Variants in PPP2R5C observed in about 807,000 individuals in gnomAD.
The protein encoded by PPP2R5C is protein phosphatase 2 regulatory subunit B'gamma.
In PPP2R5C, 7 loss-of-function variants were observed where a neutral mutation model predicts 68.9. That is an observed-to-expected ratio of 0.10 (90% CI 0.06 to 0.19). The LOEUF is 0.19. Ranked by LOEUF, PPP2R5C falls within the 10% of genes least tolerant of loss-of-function variation. The pLI is 1.00. For synonymous variants in PPP2R5C, 210 were observed against 222.2 expected (o/e 0.95, Z 0.49); for missense variants, 348 against 641.3 (o/e 0.54, Z 4.94).
At chr14:101,925,522 C>A in exon 14 of PPP2R5C, 1 of 430,618 alleles carries the variant, frequency 2.3e-6, no homozygotes, top group Non-Finnish European at 4.0e-6. Flanking sequence ...CAGCGTAGTC[C>A]AAGTCAGACT....
intron 7 of PPP2R5C, 59 bp downstream of exon 9, chr14:101,893,167 G>C: frequency 1.7e-6 from 2 of 1,205,406 alleles, no homozygotes; most frequent in African/African-American, 1.5e-5. Context: ...GATTGAACAC[G>C]AGATAGTGAA....
intron 2 of PPP2R5C, among the ~76,000 whole-genome samples, chr14:101,864,808 GA>G (rs2042959173): frequency 1.3e-5 from 2 of 152,154 alleles, no homozygotes; most frequent in Admixed American, 1.3e-4. Flanking sequence ...GAGCTTGATG[GA>G]ACCCGAGGAC....
At chr14:101,805,147 G>C (rs2039025267), upstream of PPP2R5C, among the ~76,000 whole-genome samples, 1 of 152,208 alleles carries the variant, frequency 6.6e-6, no homozygotes. Flanking sequence ...AGGCTGGAGT[G>C]CAGTGATGTG....
At chr14:101,783,040 T>C (rs1314248896) in intron 2 of PPP2R5C, among the ~76,000 whole-genome samples, 10 of 4,744 alleles carry the variant, frequency 2.1e-3, no homozygotes, top group African/African-American at 0.015. Flanking sequence ...CCTCCTCTCT[T>C]TGTCCCTCTC....
Position 101,822,696 on chromosome 14 carries a change from G to A in PPP2R5C, c.94+12660G>A, listed in dbSNP as rs185762250. 9.9e-5 allele frequency among the ~76,000 whole-genome samples: 15 copies of A among 152,098 alleles called. No individual in the cohort carries two copies. In the East Asian group the frequency reaches 2.9e-3, roughly 29 times the overall value. On this transcript the variant is annotated intron_variant, in intron 1 of 13. Coordinates refer to ENST00000334743, the Ensembl canonical transcript of PPP2R5C. ...CTTTTGAAGACATATAAACTTCTGG[G>A]GACTGACTTTTCTCATTCAAATAGT...
chr14:101,834,021 T>C lies in PPP2R5C; in HGVS notation c.95-22665T>C, dbSNP rs111760904. Among the ~76,000 whole-genome samples, 1,400 of 152,270 alleles carry C rather than the reference T, an allele frequency of 9.2e-3. 12 individuals carry two copies. The highest frequency in any genetic ancestry group is 0.032 in the African/African-American group (1,318 of 41,534). On this transcript the variant is annotated intron_variant, in intron 1 of 13. Coordinates refer to ENST00000334743, the Ensembl canonical transcript of PPP2R5C. ...TGGGGTTTCACCGTGTTGGCCAGGC[T>C]GGTCTCAAAACTCCTGACCTCAAGT...
chr14:101,909,392 A>G (rs770436232), intron 10 of PPP2R5C, among the ~76,000 whole-genome samples, 197 bp from the exon 13 acceptor site: 24 of 152,148 alleles, frequency 1.6e-4, no homozygotes, highest in African/African-American at 2.9e-4. Flanking sequence ...TGGCTATGTG[A>G]GAGCCACTGT....
chr14:101,904,756 C>G (rs1344369835), intron 9 of PPP2R5C, among the ~76,000 whole-genome samples: 1 of 152,200 alleles, frequency 6.6e-6, no homozygotes, highest in Non-Finnish European at 1.5e-5. Context: ...AGCGTCAGCC[C>G]CATGCTGCTC....
chr14:101,906,494 T>G lies in PPP2R5C; in HGVS notation c.1116T>G (p.Pro372=), dbSNP rs1362952558. The G allele has an allele frequency of 6.2e-7, 1 of 1,613,460 alleles. No homozygotes were observed. The highest frequency in any genetic ancestry group is 1.7e-5 in the Admixed American group (1 of 59,816). Residue 372 remains proline (P), a synonymous_variant, in exon 10 of 14, where the codon CCT becomes CCG. Coordinates refer to ENST00000334743, the Ensembl canonical transcript of PPP2R5C. This position sits in a 1 kb window ranked among gnomAD's most constrained non-coding sequence, Gnocchi z 4.0. ...CGAAGATTCTGCCCATCATGTTTCC[T>G]TCCTTGTACCGCAACTCAAAGACCC...
chr14:101,914,096 A>T, intron 12 of PPP2R5C: 3 of 446,624 alleles, frequency 6.7e-6, no homozygotes, highest in Admixed American at 2.5e-5. Flanking sequence ...TCTTTTTCTC[A>T]ACTTTTCCTG....
At chr14:101,842,851 C>T (rs2041577306) in intron 1 of PPP2R5C, among the ~76,000 whole-genome samples, 3 of 150,074 alleles carry the variant, frequency 2.0e-5, no homozygotes, top group Non-Finnish European at 2.9e-5. Flanking sequence ...ATCACCGCTA[C>T]TACTATGTCC....
chr14:101,852,054 A>G (rs2042187667), intron 1 of PPP2R5C, among the ~76,000 whole-genome samples: 1 of 152,216 alleles, frequency 6.6e-6, no homozygotes, highest in Non-Finnish European at 1.5e-5. Flanking sequence ...AGTGGTCTCC[A>G]AACTCTTCTG....
intron 9 of PPP2R5C, among the ~76,000 whole-genome samples, chr14:101,903,768 C>T (rs1001926797): frequency 2.2e-4 from 34 of 151,988 alleles, no homozygotes; most frequent in African/African-American, 8.0e-4. Context: ...CTCTGCCTTC[C>T]AGGTTCAAGT....
intron 1 of PPP2R5C, among the ~76,000 whole-genome samples, chr14:101,849,713 TTTC>T (rs1402842581): frequency 1.1e-5 from 1 of 92,478 alleles, no homozygotes; most frequent in Admixed American, 1.0e-4. Context: ...CCTTTCTTTC[TTTC>T]TTCTTTTCTT....
chr14:101,892,871 A>T, intron 6 of PPP2R5C, 129 bp from the exon 9 acceptor site: 1 of 663,728 alleles, frequency 1.5e-6, no homozygotes, highest in Non-Finnish European at 2.6e-6. Context: ...GTGCATGGCA[A>T]CATGCTTGGC....
intron 8 of PPP2R5C, among the ~76,000 whole-genome samples, chr14:101,896,713 G>T (rs182985718): frequency 9.9e-5 from 15 of 150,920 alleles, no homozygotes; most frequent in Admixed American, 9.2e-4. Flanking sequence ...TTTTACATTG[G>T]AGTTTTTTTT....
At chr14:101,832,577 T>C (rs183889321) in intron 1 of PPP2R5C, among the ~76,000 whole-genome samples, 1 of 152,288 alleles carries the variant, frequency 6.6e-6, no homozygotes, top group East Asian at 1.9e-4. Context: ...GGGGAATCTG[T>C]TCCGAAGACA....
chr14:101,806,045 T>TGG (rs1223224892), upstream of PPP2R5C, among the ~76,000 whole-genome samples: 2 of 152,210 alleles, frequency 1.3e-5, no homozygotes, highest in African/African-American at 4.8e-5. Flanking sequence ...ACAGTTAAGA[T>TGG]GGTACATTTT....
At chr14:101,777,618 G>A (rs879853035) in intron 2 of PPP2R5C, among the ~76,000 whole-genome samples, 19 of 152,162 alleles carry the variant, frequency 1.2e-4, no homozygotes, top group Admixed American at 4.6e-4. Context: ...CCAAGGTGCT[G>A]GGATTACAAG....
Sources: gnomAD v4.1 joint callset for allele counts (sites outside exome capture counted in the v4.1 genomes callset) on GRCh38, gnomAD v4.1.1 for gene constraint, Gnocchi (gnomAD v3.1) non-coding constraint, MANE v1.5 for transcripts, NCBI Gene and HGNC (gene_info 2026-07-23, HGNC 2026-07-21) for gene names.